MAP2K4: variants seen among roughly 807,000 people sequenced by gnomAD.
MAP2K4 encodes the protein mitogen-activated protein kinase kinase 4, also known as dual specificity mitogen-activated protein kinase kinase 4.
In MAP2K4, 4 loss-of-function variants were observed where a neutral mutation model predicts 48.5. That is an observed-to-expected ratio of 0.08 (90% CI 0.04 to 0.19). The LOEUF is 0.19. MAP2K4 is among the 10% of genes least tolerant of loss of function. The pLI is 1.00. For synonymous variants in MAP2K4, 166 were observed against 173.1 expected, an observed-to-expected ratio of 0.96 and a Z score of 0.32; for missense variants, 258 against 493.3, an observed-to-expected ratio of 0.52 and a Z score of 4.52.
At chr17:12,116,451 TGA>T (rs1412414853) in intron 7 of MAP2K4, among the ~76,000 whole-genome samples, 1 of 152,184 alleles carries the variant, frequency 6.6e-6, no homozygotes, top group Non-Finnish European at 1.5e-5. Context: ...TAAATTAACC[TGA>T]GTGTACTGTA....
intron 3 of MAP2K4, among the ~76,000 whole-genome samples, chr17:12,086,217 T>G (rs1971355885): frequency 6.6e-6 from 1 of 152,222 alleles, no homozygotes; most frequent in Non-Finnish European, 1.5e-5. Context: ...GTCTAATATC[T>G]TAGGCCGTCG....
intron 2 of MAP2K4, among the ~76,000 whole-genome samples, chr17:12,073,962 CGG>C (rs771740181): frequency 2.0e-5 from 3 of 151,804 alleles, no homozygotes; most frequent in South Asian, 4.2e-4. Flanking sequence ...TTAGTAGAGA[CGG>C]GGGTTCACCA....
intron 2 of MAP2K4, among the ~76,000 whole-genome samples, chr17:12,056,814 T>G (rs994240168): frequency 7.2e-5 from 11 of 152,144 alleles, no homozygotes; most frequent in Non-Finnish European, 1.5e-5. Flanking sequence ...TAAAAACAGT[T>G]GTTAGTTTCT....
At chr17:12,071,568 T>G (rs2151540094) in intron 2 of MAP2K4, among the ~76,000 whole-genome samples, 1 of 152,172 alleles carries the variant, frequency 6.6e-6, no homozygotes, top group Non-Finnish European at 1.5e-5. Flanking sequence ...CTCTTCATAT[T>G]TTTCTCACCC....
chr17:12,117,025 A>C (rs750948602), intron 7 of MAP2K4, among the ~76,000 whole-genome samples: 2 of 152,134 alleles, frequency 1.3e-5, no homozygotes, highest in Non-Finnish European at 2.9e-5. Flanking sequence ...CTTATGGGAC[A>C]ACCTTTGTAT....
chr17:12,135,518 G>A (rs1023510740), intron 9 of MAP2K4, among the ~76,000 whole-genome samples: 7 of 152,228 alleles, frequency 4.6e-5, no homozygotes, highest in Admixed American at 3.9e-4. Context: ...AGTGGCGTGA[G>A]CCACTGTACC....
intron 7 of MAP2K4, among the ~76,000 whole-genome samples, chr17:12,117,093 G>A (rs184274660): frequency 7.2e-5 from 11 of 152,140 alleles, no homozygotes; most frequent in Non-Finnish European, 1.5e-4. Context: ...TTCTGTATGT[G>A]GGTATGGATG....
intron 9 of MAP2K4, among the ~76,000 whole-genome samples, chr17:12,131,831 T>C (rs909312969): frequency 3.3e-5 from 5 of 152,176 alleles, no homozygotes; most frequent in East Asian, 3.9e-4. Flanking sequence ...TTCATACTTA[T>C]ATTCGACGAA....
At chr17:12,088,300 A>G (rs962315915) in intron 3 of MAP2K4, among the ~76,000 whole-genome samples, 1 of 151,410 alleles carries the variant, frequency 6.6e-6, no homozygotes, top group Admixed American at 6.6e-5. Flanking sequence ...GATCTTTAGC[A>G]GGGATTACTT....
At position 12,074,157 on chromosome 17, in the gene MAP2K4, T is replaced by C. The variant is rs531536307; in HGVS notation, c.219-7199T>C. Among the ~76,000 whole-genome samples, 3 of 152,304 alleles carry C rather than the reference T, an allele frequency of 2.0e-5. No homozygotes were observed. In the East Asian group the frequency reaches 5.8e-4, roughly 29 times the overall value. On this transcript the variant is annotated intron_variant, in intron 2 of 10. Coordinates refer to ENST00000353533, the MANE Select transcript of MAP2K4 (RefSeq NM_003010.4). ...TATATTTAACATACTCTATCCATCCTTTCGTTTTTTTAATATATGGAACGT... is the reference window on the plus strand; with the variant it reads ...TATATTTAACATACTCTATCCATCCCTTCGTTTTTTTAATATATGGAACGT...
At chr17:12,079,065 T>C (rs1054403904) in intron 2 of MAP2K4, among the ~76,000 whole-genome samples, 1 of 152,232 alleles carries the variant, frequency 6.6e-6, no homozygotes, top group African/African-American at 2.4e-5. Flanking sequence ...TTCTCCTCTT[T>C]TAGCAGCTTT....
chr17:12,077,236 CAGTT>C (rs982675907), intron 2 of MAP2K4, among the ~76,000 whole-genome samples: 2 of 152,180 alleles, frequency 1.3e-5, no homozygotes, highest in Admixed American at 6.5e-5. Flanking sequence ...GATTTGGAGA[CAGTT>C]AGCATCATTG....
At chr17:12,042,006 C>T (rs1240970702) in intron 1 of MAP2K4, among the ~76,000 whole-genome samples, 1 of 151,758 alleles carries the variant, frequency 6.6e-6, no homozygotes. Flanking sequence ...CATGGCGAAA[C>T]CCCGTCTCTA....
Position 12,142,753 on chromosome 17 carries a change from C to T in MAP2K4, c.*1493C>T, listed in dbSNP as rs528827767. 20 of 232,994 alleles carry T rather than the reference C, an allele frequency of 8.6e-5. No individual in the cohort carries two copies. Among genetic ancestry groups the T allele is most frequent in the Non-Finnish European group, 1.6e-4 (19 of 117,854 alleles). 14.4% of individuals were successfully genotyped at this position (232,994 alleles called of 1,614,324 possible). ...GAGGCCATTTAAGTATCTTGTGCTT[C>T]TTCACTTACCCATTAGCCAGGTTCT... is the stretch of plus-strand genomic sequence containing the variant. On this transcript the variant is annotated 3_prime_UTR_variant, in exon 11 of 11. Transcript: ENST00000353533.
intron 7 of MAP2K4, among the ~76,000 whole-genome samples, chr17:12,119,729 CAT>C (rs1215306413): frequency 6.6e-5 from 10 of 152,258 alleles, no homozygotes; most frequent in African/African-American, 2.4e-4. Context: ...ATAGCAAAGA[CAT>C]GTAATCAACC....
At chr17:12,120,704 G>T (rs930029632) in intron 7 of MAP2K4, among the ~76,000 whole-genome samples, 2 of 152,004 alleles carry the variant, frequency 1.3e-5, no homozygotes, top group African/African-American at 2.4e-5. Context: ...TGACTAGGGA[G>T]GAAACATTTT....
chr17:12,100,252 C>G (rs552746997), intron 4 of MAP2K4, among the ~76,000 whole-genome samples: 1 of 152,288 alleles, frequency 6.6e-6, no homozygotes, highest in African/African-American at 2.4e-5. Context: ...TCTCAGATAA[C>G]CACTGACCTG....
chr17:12,058,766 A>G (rs931295515), intron 2 of MAP2K4, among the ~76,000 whole-genome samples: 1 of 152,200 alleles, frequency 6.6e-6, no homozygotes, highest in East Asian at 1.9e-4. Context: ...TAAAAGACAT[A>G]ATCATAGTAC....
intron 4 of MAP2K4, among the ~76,000 whole-genome samples, chr17:12,103,165 G>C (rs1971995306): frequency 6.6e-6 from 1 of 150,810 alleles, no homozygotes; most frequent in Non-Finnish European, 1.5e-5. Flanking sequence ...TCAGTCTCCT[G>C]AGTAGCTGGG....
Sources: allele counts gnomAD v4.1 joint callset (sites outside exome capture counted in the v4.1 genomes callset), GRCh38; gene constraint gnomAD v4.1.1; transcripts MANE v1.5; gene names NCBI Gene and HGNC (gene_info 2026-07-23, HGNC 2026-07-21).